The following LAMA2 variants were observed in gnomAD, a reference collection of about 807,000 sequenced individuals.
The protein encoded by LAMA2 is laminin subunit alpha 2.
Under a neutral mutation model 364.8 loss-of-function variants are expected in LAMA2, and 269 were observed. The observed-to-expected ratio is 0.74, with a 90% confidence interval of 0.67 to 0.82. LAMA2 has a LOEUF of 0.82. Ranked by LOEUF, LAMA2 falls within the 40% of genes least tolerant of loss-of-function variation. The pLI is 0.00. For synonymous variants in LAMA2, 1,379 were observed against 1,370.6 expected, an observed-to-expected ratio of 1.01 and a Z score of -0.14; for missense variants, 3,807 against 3,873.2, an observed-to-expected ratio of 0.98 and a Z score of 0.45.
At chr6:129,251,092 A>G (rs1445865867) in intron 13 of LAMA2, among the ~76,000 whole-genome samples, 1 of 139,878 alleles carries the variant, frequency 7.1e-6, no homozygotes, top group South Asian at 2.4e-4. Context: ...ATATATATAT[A>G]TATATATATA....
chr6:128,991,461 T>G (rs967020064), intron 1 of LAMA2, among the ~76,000 whole-genome samples: 1 of 152,168 alleles, frequency 6.6e-6, no homozygotes, highest in African/African-American at 2.4e-5. Context: ...CTTTACAAAT[T>G]TTTCCGAGTA....
In LAMA2 at chr6:129,098,264, A is replaced by T. The variant is rs201175472; in HGVS notation, c.488A>T (p.Tyr163Phe). ...GAACGCTCTCTTGATGATGTTGAAT[A>T]CAAGCCCTGGCAGTATCATGCTGTG... ...ILERSLDDVE[Y>F]KPWQYHAVTD... Residue 163 changes from tyrosine (Y) to phenylalanine (F), a missense_variant, in exon 4 of 65, where the codon TAC becomes TTC. Transcript: ENST00000421865. The T allele has an allele frequency of 7.4e-6, 12 of 1,614,032 alleles. No homozygotes were observed. The highest frequency in any genetic ancestry group is 7.6e-6 in the Non-Finnish European group (9 of 1,180,026).
At chr6:129,112,801 G>A (rs1776235338) in intron 4 of LAMA2, among the ~76,000 whole-genome samples, 1 of 151,828 alleles carries the variant, frequency 6.6e-6, no homozygotes, top group Non-Finnish European at 1.5e-5. Context: ...GGAAGGGAGT[G>A]ATGGGAGACA....
chr6:129,128,685 A>G (rs1777265957), intron 4 of LAMA2, among the ~76,000 whole-genome samples: 1 of 152,148 alleles, frequency 6.6e-6, no homozygotes, highest in African/African-American at 2.4e-5. Context: ...TCAACATTTT[A>G]CAGTTTGCAG....
chr6:129,373,572 T>C (rs1778208037), intron 34 of LAMA2, among the ~76,000 whole-genome samples: 1 of 152,218 alleles, frequency 6.6e-6, no homozygotes, highest in Admixed American at 6.5e-5. Context: ...AATGTTTTTT[T>C]ACTGTTTCAG....
chr6:129,299,385 GCC>G (rs1306270939), intron 21 of LAMA2, among the ~76,000 whole-genome samples: 1 of 152,002 alleles, frequency 6.6e-6, no homozygotes, highest in African/African-American at 2.4e-5. Flanking sequence ...TTAGAGTAAT[GCC>G]TAGCATGTAA....
intron 1 of LAMA2, among the ~76,000 whole-genome samples, chr6:129,044,250 G>A (rs1179007713): frequency 2.0e-5 from 3 of 151,480 alleles, no homozygotes; most frequent in Admixed American, 2.0e-4. Flanking sequence ...GTTATCTCTG[G>A]GAGCTTTGCT....
intron 1 of LAMA2, among the ~76,000 whole-genome samples, chr6:128,961,062 C>T (rs1185231207): frequency 1.3e-5 from 2 of 151,464 alleles, no homozygotes; most frequent in Non-Finnish European, 1.5e-5. Context: ...GGAAGACTCC[C>T]AAATATCCTC....
In LAMA2 at chr6:129,271,011, A is replaced by G. The variant is rs541299599; in HGVS notation, c.2450+260A>G. 3.9e-5 allele frequency among the ~76,000 whole-genome samples: 6 copies of G among 152,250 alleles called. No homozygotes were observed. The South Asian group carries it at 1.2e-3, about 32-fold the overall frequency. On this transcript the variant is annotated intron_variant, in intron 17 of 64. Transcript: ENST00000421865. ...GAACTCAAATAGAATTTCTACACCA[A>G]TTCCAAAGAACATAAATATTTTATA...
chr6:129,203,035 C>G (rs778323413), intron 12 of LAMA2, among the ~76,000 whole-genome samples: 2 of 152,128 alleles, frequency 1.3e-5, no homozygotes, highest in Non-Finnish European at 2.9e-5. Flanking sequence ...GGAATGGTTA[C>G]CTAAATACAC....
At chr6:129,033,836 C>T (rs914754015) in intron 1 of LAMA2, among the ~76,000 whole-genome samples, 1 of 151,478 alleles carries the variant, frequency 6.6e-6, no homozygotes, top group East Asian at 1.9e-4. Context: ...GCCACCCCCT[C>T]TATGAATATT....
intron 4 of LAMA2, among the ~76,000 whole-genome samples, chr6:129,106,861 C>CA (rs373033392): frequency 0.095 from 12,569 of 132,144 alleles, 636 homozygotes; most frequent in Middle Eastern, 0.13. Context: ...CTTACTCCTC[C>CA]AAAAAAAAAA....
intron 3 of LAMA2, among the ~76,000 whole-genome samples, chr6:129,088,636 G>A (rs1418268261): frequency 1.3e-5 from 2 of 150,570 alleles, no homozygotes; most frequent in Admixed American, 6.6e-5. Context: ...TCCCAGATGG[G>A]GTAGCTGCCG....
intron 30 of LAMA2, among the ~76,000 whole-genome samples, chr6:129,348,559 T>C (rs1228456675): frequency 1.3e-5 from 2 of 152,156 alleles, no homozygotes; most frequent in African/African-American, 2.4e-5. Flanking sequence ...AGTCTTTTTT[T>C]TTTTAATGGA....
intron 16 of LAMA2, among the ~76,000 whole-genome samples, chr6:129,269,925 T>TA (rs1562398733): frequency 1.3e-5 from 2 of 152,112 alleles, no homozygotes; most frequent in Admixed American, 6.6e-5. Flanking sequence ...TTAAATAACT[T>TA]AGAGAAAAGC....
At chr6:129,478,651 C>T in intron 53 of LAMA2, 42 bp from the exon 54 acceptor site, 3 of 1,607,440 alleles carry the variant, frequency 1.9e-6, no homozygotes, top group South Asian at 1.1e-5. Flanking sequence ...CTACCATCAC[C>T]CTAATGATAT....
intron 48 of LAMA2, 150 bp downstream of exon 48, chr6:129,456,644 G>T (rs1386112622): frequency 2.5e-6 from 2 of 814,118 alleles, no homozygotes; most frequent in East Asian, 5.0e-5. Flanking sequence ...CTTTGAGTAA[G>T]AATTTTCTTC....
intron 45 of LAMA2, among the ~76,000 whole-genome samples, chr6:129,452,497 A>G (rs757364330): frequency 3.6e-4 from 55 of 152,160 alleles, no homozygotes; most frequent in Non-Finnish European, 6.2e-4. Flanking sequence ...AACAAAATCT[A>G]TTTGTCCTCT....
At chr6:128,968,266 A>C (rs1781974831) in intron 1 of LAMA2, among the ~76,000 whole-genome samples, 1 of 152,186 alleles carries the variant, frequency 6.6e-6, no homozygotes. Context: ...ATTGGTGTCT[A>C]ACACTTATTC....
Sources: allele counts gnomAD v4.1 joint callset (sites outside exome capture counted in the v4.1 genomes callset), GRCh38; gene constraint gnomAD v4.1.1; transcripts MANE v1.5; gene names NCBI Gene and HGNC (gene_info 2026-07-23, HGNC 2026-07-21).